CSMD1: variants seen among roughly 807,000 people sequenced by gnomAD.
The protein encoded by CSMD1 is CUB and Sushi multiple domains 1, also known as CUB and sushi domain-containing protein 1.
A neutral mutation model predicts 417.5 loss-of-function variants in CSMD1; 213 were observed. The observed-to-expected ratio is 0.51, with a 90% CI of 0.46 to 0.57. The LOEUF is 0.57. Ranked by LOEUF, CSMD1 falls within the 20% of genes least tolerant of loss-of-function variation. CSMD1 has a pLI of 0.00. For synonymous variants in CSMD1, 2,862 were observed against 1,736.8 expected, an observed-to-expected ratio of 1.65 and a Z score of -16.11; for missense variants, 6,923 against 4,529.7, an observed-to-expected ratio of 1.53 and a Z score of -15.17.
At chr8:4,130,888 G>C (rs931440340) in intron 3 of CSMD1, among the ~76,000 whole-genome samples, 4 of 151,510 alleles carry the variant, frequency 2.6e-5, no homozygotes, top group African/African-American at 7.3e-5. Context: ...TGCTGAGATA[G>C]GTAGAACAAT....
chr8:4,574,980 T>C (rs1214798027), intron 2 of CSMD1, among the ~76,000 whole-genome samples: 2 of 152,216 alleles, frequency 1.3e-5, no homozygotes, highest in Non-Finnish European at 2.9e-5. Flanking sequence ...TCAGGTGAAA[T>C]TCGGTTTTAA....
chr8:4,201,141 G>A (rs1049842699), intron 3 of CSMD1, among the ~76,000 whole-genome samples: 1 of 152,140 alleles, frequency 6.6e-6, no homozygotes, highest in African/African-American at 2.4e-5. Context: ...AGATACCTTT[G>A]TAGAATTAAA....
At chr8:3,019,615 C>T (rs1174617586) in intron 51 of CSMD1, among the ~76,000 whole-genome samples, 1 of 152,322 alleles carries the variant, frequency 6.6e-6, no homozygotes, top group East Asian at 1.9e-4. Flanking sequence ...AACGTGCATA[C>T]AAACTAGACC....
At chr8:4,667,083 T>C (rs1804984515) in intron 1 of CSMD1, among the ~76,000 whole-genome samples, 1 of 152,224 alleles carries the variant, frequency 6.6e-6, no homozygotes, top group Admixed American at 6.5e-5. Flanking sequence ...GTCCAGTTAT[T>C]ACAGAATCCT....
chr8:4,258,744 A>G (rs1302678989), intron 3 of CSMD1, among the ~76,000 whole-genome samples: 1 of 152,052 alleles, frequency 6.6e-6, no homozygotes, highest in Admixed American at 6.5e-5. Flanking sequence ...GTATGAGGAC[A>G]CAGACATTTA....
intron 2 of CSMD1, among the ~76,000 whole-genome samples, chr8:4,569,566 G>A (rs1798783281): frequency 6.6e-6 from 1 of 152,186 alleles, no homozygotes; most frequent in Admixed American, 6.5e-5. Context: ...ATAGTTTGAA[G>A]TCAGGTAGTA....
Position 3,279,728 on chromosome 8 carries a change from G to T in CSMD1, c.4153+4416C>A, listed in dbSNP as rs573554656. 4.6e-5 allele frequency among the ~76,000 whole-genome samples: 7 copies of T among 152,250 alleles called. No homozygotes were observed. In the South Asian group the frequency reaches 1.2e-3, roughly 27 times the overall value. On this transcript the variant is annotated intron_variant, in intron 26 of 69. Coordinates refer to ENST00000635120, the MANE Select transcript of CSMD1 (RefSeq NM_033225.6). Reference sequence around the variant, plus strand: ...GAAACTTACAATCATGGAGGAAGGTGAAGGGGAAGCAAAGCACCTTCTTTA... The same window carrying T: ...GAAACTTACAATCATGGAGGAAGGTTAAGGGGAAGCAAAGCACCTTCTTTA...
intron 2 of CSMD1, among the ~76,000 whole-genome samples, chr8:4,553,861 T>C (rs1213970084): frequency 1.3e-5 from 2 of 152,120 alleles, no homozygotes; most frequent in South Asian, 2.1e-4. Flanking sequence ...CAGGACTGGG[T>C]TAGCATAAAC....
At chr8:2,956,522 C>G (rs1803021186) in intron 63 of CSMD1, among the ~76,000 whole-genome samples, 1 of 151,920 alleles carries the variant, frequency 6.6e-6, no homozygotes, top group Non-Finnish European at 1.5e-5. Context: ...GGCACGATCT[C>G]CGCTCGCTGC....
At chr8:3,161,361 A>G (rs887917207) in intron 38 of CSMD1, among the ~76,000 whole-genome samples, 1 of 152,166 alleles carries the variant, frequency 6.6e-6, no homozygotes, top group Non-Finnish European at 1.5e-5. Flanking sequence ...TCACACCTGT[A>G]ATCCCAGCAC....
At chr8:3,905,028 T>C (rs1250984587) in intron 5 of CSMD1, among the ~76,000 whole-genome samples, 1 of 152,184 alleles carries the variant, frequency 6.6e-6, no homozygotes, top group Non-Finnish European at 1.5e-5. Flanking sequence ...CTAGAACTTG[T>C]ACTGGTGACT....
intron 7 of CSMD1, among the ~76,000 whole-genome samples, chr8:3,674,418 A>G (rs1799261678): frequency 6.6e-6 from 1 of 152,208 alleles, no homozygotes; most frequent in Non-Finnish European, 1.5e-5. Context: ...CAAATCAAGA[A>G]TATTTAAATA....
intron 4 of CSMD1, among the ~76,000 whole-genome samples, chr8:3,999,215 C>G (rs192000537): frequency 3.3e-5 from 5 of 151,748 alleles, no homozygotes; most frequent in African/African-American, 9.7e-5. Flanking sequence ...ATTTAACAGT[C>G]ATTAATTCTG....
chr8:4,585,313 T>C (rs1443646348), intron 2 of CSMD1, among the ~76,000 whole-genome samples: 1 of 152,088 alleles, frequency 6.6e-6, no homozygotes, highest in East Asian at 1.9e-4. Context: ...ATTAAGCTAA[T>C]TAATAGCAGA....
At chr8:4,911,652 A>G (rs1294230912) in intron 1 of CSMD1, among the ~76,000 whole-genome samples, 1 of 152,188 alleles carries the variant, frequency 6.6e-6, no homozygotes, top group Non-Finnish European at 1.5e-5. Context: ...TTACACACTA[A>G]ATAACTACTT....
intron 1 of CSMD1, among the ~76,000 whole-genome samples, chr8:4,892,475 T>G (rs117765816): frequency 6.6e-6 from 1 of 152,240 alleles, no homozygotes; most frequent in East Asian, 1.9e-4. Flanking sequence ...TAATCACGTT[T>G]TACTAACTGA....
chr8:4,125,171 A>G (rs1010578132), intron 3 of CSMD1, among the ~76,000 whole-genome samples: 1 of 152,092 alleles, frequency 6.6e-6, no homozygotes, highest in Non-Finnish European at 1.5e-5. Context: ...AAAGGAAGAT[A>G]ACTCTTGGGG....
intron 10 of CSMD1, among the ~76,000 whole-genome samples, chr8:3,545,927 A>C (rs1207338775): frequency 6.6e-6 from 1 of 152,222 alleles, no homozygotes; most frequent in African/African-American, 2.4e-5. Context: ...GGGGAATGCT[A>C]GGACAGGGTG....
chr8:4,766,111 A>G (rs1312834655), intron 1 of CSMD1, among the ~76,000 whole-genome samples: 1 of 152,224 alleles, frequency 6.6e-6, no homozygotes, highest in African/African-American at 2.4e-5. Context: ...ATAATATTTT[A>G]CAGCCAAATA....
Sources: allele counts gnomAD v4.1 joint callset (sites outside exome capture counted in the v4.1 genomes callset), GRCh38; gene constraint gnomAD v4.1.1; transcripts MANE v1.5; gene names NCBI Gene and HGNC (gene_info 2026-07-23, HGNC 2026-07-21).